EEF1G: variants seen among roughly 807,000 people sequenced by gnomAD.
EEF1G encodes elongation factor 1-gamma.
In EEF1G, 14 loss-of-function variants were observed where a neutral mutation model predicts 58.3. That is an observed-to-expected ratio of 0.24 (90% confidence interval 0.16 to 0.38). The LOEUF (loss-of-function observed/expected upper bound fraction) is 0.38, where lower values mean the gene tolerates loss of function less well. EEF1G is among the 10% of genes least tolerant of loss of function. The pLI is 1.00. For missense variants in EEF1G, 322 were observed against 550.1 expected (o/e 0.59, Z 4.15); for synonymous variants, 180 against 206.8 (o/e 0.87, Z 1.11).
At chr11:62,561,289 G>A (rs1228376710) in intron 7 of EEF1G, among the ~76,000 whole-genome samples, 1 of 151,912 alleles carries the variant, frequency 6.6e-6, no homozygotes, top group East Asian at 1.9e-4. Flanking sequence ...TGAGACAGGA[G>A]AATAGCTTGA....
chr11:62,571,801 C>G, intron 3 of EEF1G, 37 bp downstream of exon 3: 1 of 1,573,284 alleles, frequency 6.4e-7, no homozygotes. Flanking sequence ...ACCCTCACCT[C>G]CAAATTCTCC....
intron 1 of EEF1G, chr11:62,572,965 T>G (rs1444642697): frequency 2.4e-6 from 1 of 409,722 alleles, no homozygotes; most frequent in Non-Finnish European, 4.3e-6. Context: ...GTTGACAGAT[T>G]TGACCTTCCC....
intron 7 of EEF1G, among the ~76,000 whole-genome samples, chr11:62,564,662 T>G (rs1309737289): frequency 7.0e-6 from 1 of 142,198 alleles, no homozygotes; most frequent in Non-Finnish European, 1.5e-5. Context: ...CTCAAGAGGC[T>G]GAAGCAGAAC....
At chr11:62,561,567 G>A (rs1941494108) in intron 7 of EEF1G, among the ~76,000 whole-genome samples, 1 of 149,720 alleles carries the variant, frequency 6.7e-6, no homozygotes, top group South Asian at 2.1e-4. Flanking sequence ...CTACTCGGGA[G>A]GCAGGGACAG....
rs759055466 is a variant in EEF1G, at chr11:62,560,141, G to T, written c.1083C>A (p.Ile361=). The T allele has an allele frequency of 1.3e-5, 21 of 1,613,944 alleles. No homozygotes were observed. The highest frequency in any genetic ancestry group is 1.8e-5 in the Non-Finnish European group (21 of 1,179,910). ...KLRKNAFASV[I]LFGTNNSSSI... ...AGCTGCTATTGTTGGTTCCAAAAAG[G>T]ATGACACTGGCGAAGGCATTCTTCC... Residue 361 remains isoleucine, a synonymous_variant, in exon 9 of 10, where the codon ATC becomes ATA. Coordinates refer to ENST00000329251, the MANE Select transcript of EEF1G (RefSeq NM_001404.5).
chr11:62,565,510 A>C (rs1307252867), intron 7 of EEF1G, among the ~76,000 whole-genome samples: 1 of 152,240 alleles, frequency 6.6e-6, no homozygotes, highest in Non-Finnish European at 1.5e-5. Context: ...TATTAAATAA[A>C]GATTTTAAGT....
At chr11:62,573,006 C>T (rs1216600625) in intron 1 of EEF1G, 4 of 288,122 alleles carry the variant, frequency 1.4e-5, no homozygotes, top group African/African-American at 4.4e-5. Context: ...TTCTCTTCCT[C>T]TCAAATCTAT....
rs1290577244 is a variant in EEF1G at position 62,572,654 on chromosome 11, G to A, written c.101C>T (p.Ala34Val). ...YSGAQVRVLS[A>V]PPHFHFGQTN... ...TTGGCCAAAATGGAAGTGGGGTGGT[G>A]CGGAGAGCACGCGGACCTGAGCCCC... The change falls in exon 2 of 10, where the codon GCA (alanine) becomes GTA (valine). Residue 34 changes from alanine to valine, a missense_variant. Ala to Val is a moderately conservative substitution (Grantham distance 64, BLOSUM62 0). Coordinates refer to ENST00000329251, the MANE Select transcript of EEF1G (RefSeq NM_001404.5). The A allele has an allele frequency of 4.3e-6, 7 of 1,612,740 alleles. No homozygotes were observed. The highest frequency in any genetic ancestry group is 2.2e-5 in the East Asian group (1 of 44,882).
intron 7 of EEF1G, among the ~76,000 whole-genome samples, chr11:62,565,590 T>C (rs547010419): frequency 6.6e-6 from 1 of 152,314 alleles, no homozygotes; most frequent in Admixed American, 6.5e-5. Context: ...TAGCTAATAA[T>C]TAACAACGTC....
At position 62,572,670 on chromosome 11, in the gene EEF1G, C is replaced by T; in HGVS notation, c.85G>A (p.Val29Ile). Reference protein sequence around the residue: ...LIAAQYSGAQVRVLSAPPHFH... With the variant: ...LIAAQYSGAQIRVLSAPPHFH... ...TGGGGTGGTGCGGAGAGCACGCGGA[C>T]CTGAGCCCCGCTGTACTGAGCAGCG... Residue 29 changes from valine (V) to isoleucine (I), a missense_variant, in exon 2 of 10, where the codon GTC (valine) becomes ATC (isoleucine). Coordinates refer to ENST00000329251, the MANE Select transcript of EEF1G (RefSeq NM_001404.5). The T allele has an allele frequency of 6.2e-7, 1 of 1,613,144 alleles. No homozygotes were observed. The highest frequency in any genetic ancestry group is 8.5e-7 in the Non-Finnish European group (1 of 1,179,886).
intron 3 of EEF1G, 51 bp downstream of exon 3, chr11:62,571,787 C>A: frequency 1.3e-6 from 2 of 1,567,722 alleles, no homozygotes; most frequent in Non-Finnish European, 1.7e-6. Context: ...TTATCCTCTC[C>A]TACACCCTCA....
rs778306394 is a variant in EEF1G at position 62,573,815 on chromosome 11, G to A, written c.12+16C>T. On this transcript the variant is annotated intron_variant, in intron 1 of 9. Transcript: ENST00000329251. ...GTGGATAGGATGACCCGAACCACCA[G>A]AGCCAGCAAACTTACCCCAGCCGCC... 8.7e-6 allele frequency: 14 copies of A among 1,613,572 alleles called. No individual in the cohort carries two copies. The East Asian group carries it at 1.3e-4, about 15-fold the overall frequency.
intron 7 of EEF1G, 27 bp downstream of exon 7, chr11:62,566,779 A>ACACCCTC (rs775985944): frequency 1.7e-5 from 27 of 1,611,434 alleles, no homozygotes; most frequent in Non-Finnish European, 1.6e-5. Context: ...CTTTGGTCCC[A>ACACCCTC]CACCCTCCAC....
chr11:62,562,153 C>G (rs1941503602), intron 7 of EEF1G, among the ~76,000 whole-genome samples: 1 of 152,186 alleles, frequency 6.6e-6, no homozygotes, highest in Non-Finnish European at 1.5e-5. Flanking sequence ...AATTGTTTAT[C>G]TCTCTGTAAC....
intron 7 of EEF1G, among the ~76,000 whole-genome samples, chr11:62,562,395 ATG>A (rs920383885): frequency 2.6e-5 from 4 of 152,170 alleles, no homozygotes; most frequent in South Asian, 4.1e-4. Flanking sequence ...GTGTGTATAT[ATG>A]TGTGTGTGTG....
rs1336589661 is a variant in EEF1G at position 62,560,781 on chromosome 11, GT to G, written c.858-328del. Among the ~76,000 whole-genome samples, 6 of 152,202 alleles carry G rather than the reference GT, an allele frequency of 3.9e-5. No individual in the cohort carries two copies. In the South Asian group the frequency reaches 1.2e-3, roughly 32 times the overall value. On this transcript the variant is annotated intron_variant, in intron 7 of 9. Transcript: ENST00000329251. ...TCCCTGTTCAGGCCCTCCCCAGGCTGTTTTCCATGAACCACACTAAGTCACT... is the reference window on the plus strand; with the variant it reads ...TCCCTGTTCAGGCCCTCCCCAGGCTGTTTCCATGAACCACACTAAGTCACT...
At chr11:62,567,184 AG>A in intron 6 of EEF1G, 174 bp from the exon 7 acceptor site, 1 of 917,002 alleles carries the variant, frequency 1.1e-6, no homozygotes, top group Non-Finnish European at 1.6e-6. Flanking sequence ...CAACACACTC[AG>A]CAACAAATAC....
intron 7 of EEF1G, among the ~76,000 whole-genome samples, chr11:62,566,410 T>C (rs980494149): frequency 2.6e-5 from 4 of 152,232 alleles, no homozygotes; most frequent in African/African-American, 9.6e-5. Context: ...TGGCATCCAC[T>C]ATCTCCGCAC....
chr11:62,572,309 ACAGAT>A (rs1394726134), intron 2 of EEF1G, among the ~76,000 whole-genome samples: 1 of 152,168 alleles, frequency 6.6e-6, no homozygotes, highest in Non-Finnish European at 1.5e-5. Context: ...TCTGCTCATA[ACAGAT>A]ATCTGATATA....
Sources: allele counts gnomAD v4.1 joint callset (sites outside exome capture counted in the v4.1 genomes callset), GRCh38; gene constraint gnomAD v4.1.1; transcripts MANE v1.5; gene names NCBI Gene and HGNC (gene_info 2026-07-23, HGNC 2026-07-21).